Variants in PKNOX2 observed in about 807,000 individuals in gnomAD.
PKNOX2 encodes the protein PBX/knotted 1 homeobox 2.
PKNOX2 carries 14 observed loss-of-function variants against 53.1 expected under a neutral mutation model. The observed-to-expected ratio is 0.26, with a 90% confidence interval of 0.17 to 0.41. The LOEUF (loss-of-function observed/expected upper bound fraction) is 0.41. Ranked by LOEUF, PKNOX2 falls within the 10% of genes least tolerant of loss-of-function variation. The probability of loss-of-function intolerance (pLI) is 1.00; values close to 1 mark genes in which losing one functional copy is unlikely to be tolerated. For synonymous variants in PKNOX2, 257 were observed against 242.8 expected (o/e 1.06, Z -0.54); for missense variants, 496 against 602.8 (o/e 0.82, Z 1.85).
chr11:125,224,833 G>A (rs1037495278), intron 1 of PKNOX2, among the ~76,000 whole-genome samples: 14 of 152,158 alleles, frequency 9.2e-5, no homozygotes, highest in Admixed American at 9.2e-4. Context: ...CTGGAGCCCT[G>A]TTAAGTTATT....
intron 5 of PKNOX2, among the ~76,000 whole-genome samples, chr11:125,380,324 G>A (rs371539673): frequency 2.6e-5 from 4 of 152,126 alleles, no homozygotes; most frequent in Non-Finnish European, 5.9e-5. Context: ...CACTGACGAG[G>A]CTCAAACGCT....
intron 4 of PKNOX2, among the ~76,000 whole-genome samples, chr11:125,354,803 T>G (rs1042964880): frequency 6.6e-6 from 1 of 152,206 alleles, no homozygotes; most frequent in African/African-American, 2.4e-5. Context: ...AGAGAAGCAT[T>G]CACTGTTATG....
intron 1 of PKNOX2, among the ~76,000 whole-genome samples, chr11:125,183,523 G>A (rs558440422): frequency 6.6e-5 from 10 of 152,230 alleles, no homozygotes; most frequent in East Asian, 1.9e-4. Context: ...TTTGTGGATC[G>A]TTGGTGACAC....
chr11:125,414,812 T>A (rs1955784148), intron 10 of PKNOX2, among the ~76,000 whole-genome samples: 1 of 151,882 alleles, frequency 6.6e-6, no homozygotes, highest in South Asian at 2.1e-4. Flanking sequence ...AAAATGTATA[T>A]AAAGAGCCAG....
At chr11:125,416,752 A>G (rs1392151771) in intron 10 of PKNOX2, among the ~76,000 whole-genome samples, 2 of 152,076 alleles carry the variant, frequency 1.3e-5, no homozygotes, top group African/African-American at 4.8e-5. Context: ...TGATTAATCC[A>G]CAAACTTTGC....
intron 10 of PKNOX2, among the ~76,000 whole-genome samples, chr11:125,427,906 A>G (rs769106355): frequency 1.1e-4 from 16 of 151,872 alleles, no homozygotes; most frequent in Non-Finnish European, 2.1e-4. Context: ...AGACTCAGCC[A>G]TCCTGTGGCC....
intron 1 of PKNOX2, among the ~76,000 whole-genome samples, chr11:125,210,318 C>G (rs1237369975): frequency 1.3e-5 from 2 of 152,152 alleles, no homozygotes; most frequent in Non-Finnish European, 1.5e-5. Flanking sequence ...CAGGAATCTG[C>G]CCTTCTCTCT....
At chr11:125,184,407 G>A (rs1355438816) in intron 1 of PKNOX2, 1 of 152,248 alleles carries the variant, frequency 6.6e-6, no homozygotes, top group Non-Finnish European at 1.5e-5. Context: ...TTTGGAATCT[G>A]GACCCATCTG....
rs550786878 is a variant in PKNOX2, at chr11:125,425,065, T to C, written c.937-3947T>C. ...TCTCTAGAGTCCTTGAGTATTCAACTAGATGATGCCGGGAGGCTTCAGTGC... is the reference window on the plus strand; with the variant it reads ...TCTCTAGAGTCCTTGAGTATTCAACCAGATGATGCCGGGAGGCTTCAGTGC... On this transcript the variant is annotated intron_variant, in intron 10 of 12. Coordinates refer to ENST00000298282, the MANE Select transcript of PKNOX2 (RefSeq NM_001382323.2). 3.3e-5 allele frequency among the ~76,000 whole-genome samples: 5 copies of C among 152,290 alleles called. No homozygotes were observed. In the South Asian group the frequency reaches 8.3e-4, roughly 25 times the overall value.
chr11:125,359,166 C>T, intron 4 of PKNOX2, among the ~76,000 whole-genome samples: 1 of 137,744 alleles, frequency 7.3e-6, no homozygotes, highest in Non-Finnish European at 1.5e-5. Context: ...CAGGTGCGCT[C>T]AGGCAACCAA....
chr11:125,183,013 T>A (rs1445552920), intron 1 of PKNOX2, among the ~76,000 whole-genome samples: 1 of 152,140 alleles, frequency 6.6e-6, no homozygotes, highest in African/African-American at 2.4e-5. Context: ...CTGGTTTAAT[T>A]TGGCCTTCTC....
intron 6 of PKNOX2, among the ~76,000 whole-genome samples, chr11:125,392,269 G>A (rs532407655): frequency 1.2e-4 from 19 of 152,304 alleles, no homozygotes; most frequent in African/African-American, 4.6e-4. Context: ...AGAGACTGAG[G>A]CTCAGAGAAA....
Position 125,368,999 on chromosome 11 carries a change from A to G in PKNOX2, c.227+1014A>G, listed in dbSNP as rs117981037. ...CACTGCAGCAGGTGCGAATGCCAGT[A>G]ACATGTGGAATGATTCACCCAAGAC... On this transcript the variant is annotated intron_variant, in intron 5 of 12. Transcript: ENST00000298282. 5.6e-3 allele frequency among the ~76,000 whole-genome samples: 855 copies of G among 152,344 alleles called. 4 individuals are homozygous for G. Among genetic ancestry groups the G allele is most frequent in the Non-Finnish European group, 8.3e-3 (567 of 68,040 alleles).
chr11:125,378,573 C>T (rs551342779), intron 5 of PKNOX2, among the ~76,000 whole-genome samples: 43 of 152,230 alleles, frequency 2.8e-4, no homozygotes, highest in East Asian at 1.7e-3. Flanking sequence ...AAGGAAGGTG[C>T]GGAAGGAGCC....
At chr11:125,399,818 G>A (rs1252217270) in intron 7 of PKNOX2, among the ~76,000 whole-genome samples, 3 of 152,176 alleles carry the variant, frequency 2.0e-5, no homozygotes, top group African/African-American at 4.8e-5. Context: ...AAGGAAGGAG[G>A]GGCAGAGGGC....
intron 1 of PKNOX2, among the ~76,000 whole-genome samples, chr11:125,190,721 G>A (rs535294022): frequency 4.6e-5 from 7 of 152,204 alleles, no homozygotes; most frequent in South Asian, 4.2e-4. Context: ...CACTCTGGCC[G>A]TCACCACAGA....
At chr11:125,274,996 C>T (rs1946061351) in intron 2 of PKNOX2, among the ~76,000 whole-genome samples, 1 of 152,202 alleles carries the variant, frequency 6.6e-6, no homozygotes, top group Admixed American at 6.5e-5. Context: ...TGCTAGATGC[C>T]TACTGTGTGC....
chr11:125,215,913 CATTT>C (rs1162457265), intron 1 of PKNOX2, among the ~76,000 whole-genome samples: 1 of 152,164 alleles, frequency 6.6e-6, no homozygotes, highest in Non-Finnish European at 1.5e-5. Flanking sequence ...AGCGCTCAGT[CATTT>C]ATTCTCTGCA....
chr11:125,372,009 G>T lies in PKNOX2; in HGVS notation c.227+4024G>T, dbSNP rs141035876. ...TATACTGTTAACTCCAGAGGACAGG[G>T]TCTGCGTCTGTCTTGCTCATTGCTT... On this transcript the variant is annotated intron_variant, in intron 5 of 12. Transcript: ENST00000298282. Among the ~76,000 whole-genome samples, 265 of 152,290 alleles carry T rather than the reference G, an allele frequency of 1.7e-3. 4 individuals carry two copies. In the South Asian group the frequency reaches 0.03, roughly 17 times the overall value.
Sources: gnomAD v4.1 joint callset for allele counts (sites outside exome capture counted in the v4.1 genomes callset) on GRCh38, gnomAD v4.1.1 for gene constraint, MANE v1.5 for transcripts, NCBI Gene and HGNC (gene_info 2026-07-23, HGNC 2026-07-21) for gene names.